The following FUBP3 variants were observed in gnomAD, a reference collection of about 807,000 sequenced individuals.
The protein encoded by FUBP3 is far upstream element binding protein 3.
Under a neutral mutation model 85.6 loss-of-function variants are expected in FUBP3, and 28 were observed. That is an observed-to-expected ratio of 0.33 (90% CI 0.24 to 0.45). The LOEUF is 0.45. Among genes scored for constraint, FUBP3 ranks in the 20% least tolerant of loss-of-function variants. The pLI, the probability that FUBP3 is intolerant of heterozygous loss-of-function variation, is 1.00. For synonymous variants in FUBP3, 271 were observed against 271.4 expected, an observed-to-expected ratio of 1.00 and a Z score of 0.01; for missense variants, 583 against 755.1, an observed-to-expected ratio of 0.77 and a Z score of 2.67.
intron 1 of FUBP3, 121 bp from the exon 2 acceptor site, chr9:130,595,362 T>C: frequency 1.5e-6 from 1 of 666,660 alleles, no homozygotes; most frequent in Non-Finnish European, 2.8e-6. Flanking sequence ...CGGTGCTGCC[T>C]TCCATTAATC....
chr9:130,634,662 C>T lies in FUBP3; in HGVS notation c.1511-5C>T, dbSNP rs1394592423. On this transcript the variant is annotated splice_region_variant and splice_polypyrimidine_tract_variant and intron_variant, in intron 16 of 18. Transcript: ENST00000319725. ...GGCCTGACTGCTTTTGTGTTCTTCG[C>T]ACAGGCCAGCAGAGCCAGCCGCAGA... 2 of 1,612,738 alleles carry T rather than the reference C, an allele frequency of 1.2e-6. No homozygotes were observed. The highest frequency in any genetic ancestry group is 2.2e-5 in the East Asian group (1 of 44,852).
rs1401572729 is a variant in FUBP3 at position 130,626,269 on chromosome 9, A to G, written c.976-95A>G. 1.6e-5 allele frequency: 21 copies of G among 1,341,360 alleles called. No individual in the cohort carries two copies. In the Admixed American group the frequency reaches 4.4e-4, roughly 28 times the overall value. 83.1% of individuals were successfully genotyped at this position (1,341,360 alleles called of 1,614,324 possible). On this transcript the variant is annotated intron_variant, in intron 11 of 18. Coordinates refer to ENST00000319725, the MANE Select transcript of FUBP3 (RefSeq NM_003934.2). The stretch of plus-strand genomic sequence containing the variant: ...TGCTAGGTTCTGATGGGTGGCATTG[A>G]TTACATCCTGTCACTTAACCTCCTC...
At position 130,608,985 on chromosome 9, in the gene FUBP3, G is replaced by A. The variant is rs556092573; in HGVS notation, c.191-969G>A. Among the ~76,000 whole-genome samples, 43 of 152,284 alleles carry A rather than the reference G, an allele frequency of 2.8e-4. 1 individual carries two copies. Among genetic ancestry groups the A allele is most frequent in the South Asian group, 4.1e-4 (2 of 4,828 alleles). ...CAAGTGGGTGTAATCGATCCTTTGC[G>A]ACTTAGCTCATGTCCTTAGAATAAC... On this transcript the variant is annotated intron_variant, in intron 2 of 18. Transcript: ENST00000319725.
chr9:130,631,108 G>T (rs1830192347), intron 13 of FUBP3: 1 of 1,160,292 alleles, frequency 8.6e-7, no homozygotes, highest in Non-Finnish European at 1.1e-6. Flanking sequence ...GACTCCGCTG[G>T]CATTGCCCTG....
intron 2 of FUBP3, among the ~76,000 whole-genome samples, chr9:130,608,376 A>G (rs981345611): frequency 1.3e-5 from 2 of 152,206 alleles, no homozygotes; most frequent in Admixed American, 6.5e-5. Flanking sequence ...AAATAGGAAC[A>G]GCTAACCAAG....
chr9:130,589,696 TATA>T (rs1488674599), intron 1 of FUBP3, among the ~76,000 whole-genome samples: 39 of 32,868 alleles, frequency 1.2e-3, no homozygotes, highest in Admixed American at 2.2e-3. Context: ...TATATATATA[TATA>T]TATATATTTT....
chr9:130,586,680 A>G (rs1830350766), intron 1 of FUBP3, among the ~76,000 whole-genome samples: 1 of 151,584 alleles, frequency 6.6e-6, no homozygotes, highest in Non-Finnish European at 1.5e-5. Context: ...GCATTTTAGG[A>G]AGGACTTGGT....
chr9:130,622,909 A>G (rs1019796014), intron 10 of FUBP3, 99 bp downstream of exon 10: 19 of 552,144 alleles, frequency 3.4e-5, no homozygotes, highest in East Asian at 6.3e-5. Flanking sequence ...GGGCTTGGCT[A>G]TTGGTTCATG....
In FUBP3 at chr9:130,579,633, G is replaced by GC; in HGVS notation, c.-47dup. On this transcript the variant is annotated 5_prime_UTR_variant, in exon 1 of 19. Coordinates refer to ENST00000319725, the MANE Select transcript of FUBP3 (RefSeq NM_003934.2). ...GGAGGCCGGACCGGGGAGCCGAGCG[G>GC]CGGCGTCGGCGGCGTCGGCGGCGGC... 1.8e-6 allele frequency: 2 copies of GC among 1,104,180 alleles called. No individual in the cohort carries two copies. Among genetic ancestry groups the GC allele is most frequent in the Non-Finnish European group, 2.3e-6 (2 of 871,174 alleles). The allele number at this position is 1,104,180 out of a possible 1,614,324, so 68.4% of individuals were successfully genotyped here.
chr9:130,634,788 A>G, intron 17 of FUBP3, 50 bp downstream of exon 17: 1 of 1,371,780 alleles, frequency 7.3e-7, no homozygotes, highest in Non-Finnish European at 1.0e-6. Context: ...CCTCCAGCCC[A>G]GAGACTTCAG....
At chr9:130,594,620 G>T (rs889509049) in intron 1 of FUBP3, among the ~76,000 whole-genome samples, 1 of 152,042 alleles carries the variant, frequency 6.6e-6, no homozygotes, top group Non-Finnish European at 1.5e-5. Context: ...TTAGCTGGAC[G>T]TGGTGGTGCG....
At position 130,637,213 on chromosome 9, in the gene FUBP3, TG is replaced by T. The variant is rs1830451305; in HGVS notation, c.*192del. On this transcript the variant is annotated 3_prime_UTR_variant, in exon 19 of 19. Transcript: ENST00000319725. ...GTTACTAAAAATTGCTGATCATTTT[TG>T]TTTCATTATTTTTGTTATTTCAAAT... 1.6e-6 allele frequency: 1 copy of T among 607,250 alleles called. No homozygotes were observed. The highest frequency in any genetic ancestry group is 1.8e-5 in the African/African-American group (1 of 54,062). The allele number at this position is 607,250 out of a possible 1,614,324, so 37.6% of individuals were successfully genotyped here.
chr9:130,622,644 AAG>A, intron 9 of FUBP3, 62 bp from the exon 10 acceptor site: 2 of 763,568 alleles, frequency 2.6e-6, no homozygotes, highest in Non-Finnish European at 4.4e-6. Context: ...AAAAAAAAAA[AAG>A]TGCCCTTTAA....
intron 12 of FUBP3, among the ~76,000 whole-genome samples, 183 bp downstream of exon 12, chr9:130,626,688 C>T (rs1008656752): frequency 1.3e-5 from 2 of 152,136 alleles, no homozygotes; most frequent in African/African-American, 4.8e-5. Flanking sequence ...AGGCTGCTGA[C>T]GGGCCTGTTG....
At chr9:130,636,915 TG>T in intron 18 of FUBP3, 98 bp from the exon 19 acceptor site, 1 of 998,720 alleles carries the variant, frequency 1.0e-6, no homozygotes, top group Non-Finnish European at 1.6e-6. Context: ...AGGTTTTGTC[TG>T]GCCCAGCTCC....
At chr9:130,606,390 C>A (rs192614457) in intron 2 of FUBP3, among the ~76,000 whole-genome samples, 1 of 151,348 alleles carries the variant, frequency 6.6e-6, no homozygotes, top group Non-Finnish European at 1.5e-5. Flanking sequence ...CTCTCCCCAC[C>A]CCCCCCCAAC....
Position 130,620,132 on chromosome 9 carries a change from G to A in FUBP3, c.667-222G>A, listed in dbSNP as rs140959134. Among the ~76,000 whole-genome samples the A allele has an allele frequency of 1.8e-3, 274 of 152,286 alleles. 3 individuals carry two copies. The highest frequency in any genetic ancestry group is 6.4e-3 in the African/African-American group (267 of 41,552). ...ACCCAACTGAGGCTTTTTATAGAAG[G>A]TGGACCCTTCCCCGTGTGGACATTT... On this transcript the variant is annotated intron_variant, in intron 8 of 18. Coordinates refer to ENST00000319725, the MANE Select transcript of FUBP3 (RefSeq NM_003934.2).
chr9:130,626,139 T>C (rs947426397), intron 11 of FUBP3, among the ~76,000 whole-genome samples: 8 of 152,196 alleles, frequency 5.3e-5, no homozygotes, highest in South Asian at 2.1e-4. Flanking sequence ...TTGAGCTGTT[T>C]ATGTAACCAC....
intron 1 of FUBP3, among the ~76,000 whole-genome samples, chr9:130,582,781 C>G (rs1830187835): frequency 6.6e-6 from 1 of 152,206 alleles, no homozygotes; most frequent in African/African-American, 2.4e-5. Context: ...CCATTGATAA[C>G]TTAGTAGCAC....
Sources: allele counts gnomAD v4.1 joint callset (sites outside exome capture counted in the v4.1 genomes callset), GRCh38; gene constraint gnomAD v4.1.1; transcripts MANE v1.5; gene names NCBI Gene and HGNC (gene_info 2026-07-23, HGNC 2026-07-21).